The following RNF150 variants were observed in gnomAD, a reference collection of about 807,000 sequenced individuals.
The protein encoded by RNF150 is ring finger protein 150.
A neutral mutation model predicts 39.3 loss-of-function variants in RNF150; 24 were observed. That is an observed-to-expected ratio of 0.61 (90% CI 0.44 to 0.86). The LOEUF is 0.86. Ranked by LOEUF, RNF150 falls within the 40% of genes least tolerant of loss-of-function variation. The pLI, the probability that RNF150 is intolerant of heterozygous loss-of-function variation, is 0.00. For synonymous variants in RNF150, 255 were observed against 227.3 expected (o/e 1.12, Z -1.10); for missense variants, 502 against 587.8 (o/e 0.85, Z 1.51).
rs962678241 is a variant in RNF150, at chr4:140,952,521, C to T, written c.736-3149G>A. Among the ~76,000 whole-genome samples the T allele has an allele frequency of 7.9e-5, 12 of 152,228 alleles. No individual in the cohort carries two copies. In the East Asian group the frequency reaches 1.2e-3, roughly 15 times the overall value. ...AAAATAGATGGCTTTTGAAAACATC[C>T]GCTCAGTCTCTTCTAGAGAAAAAAC... On this transcript the variant is annotated intron_variant, in intron 2 of 6. Transcript: ENST00000515673.
chr4:141,110,504 CA>C (rs1739352201), intron 1 of RNF150, among the ~76,000 whole-genome samples: 2 of 151,876 alleles, frequency 1.3e-5, no homozygotes, highest in Admixed American at 1.3e-4. Flanking sequence ...TGGTTCACTG[CA>C]GCCTAAAGCT....
intron 1 of RNF150, among the ~76,000 whole-genome samples, chr4:141,081,987 T>C (rs1560728406): frequency 1.3e-5 from 2 of 152,356 alleles, no homozygotes; most frequent in East Asian, 1.9e-4. Flanking sequence ...TGTTTCACTG[T>C]CAAAGTATAA....
At chr4:141,097,009 G>C (rs2111024958) in intron 1 of RNF150, among the ~76,000 whole-genome samples, 1 of 152,284 alleles carries the variant, frequency 6.6e-6, no homozygotes, top group South Asian at 2.1e-4. Flanking sequence ...AAATCTTTCA[G>C]GTTTCATTTA....
intron 6 of RNF150, among the ~76,000 whole-genome samples, chr4:140,892,203 A>G (rs551835200): frequency 6.6e-6 from 1 of 152,312 alleles, no homozygotes; most frequent in Non-Finnish European, 1.5e-5. Context: ...ATGGAGGGAC[A>G]CCTATATAGC....
At chr4:141,083,538 G>A (rs1223061494) in intron 1 of RNF150, among the ~76,000 whole-genome samples, 1 of 152,172 alleles carries the variant, frequency 6.6e-6, no homozygotes, top group African/African-American at 2.4e-5. Flanking sequence ...CACAGGAGGT[G>A]TTGAACCAAA....
chr4:140,992,276 A>G (rs1338766487), intron 1 of RNF150, among the ~76,000 whole-genome samples: 1 of 152,108 alleles, frequency 6.6e-6, no homozygotes, highest in African/African-American at 2.4e-5. Context: ...AGGCTGAGGT[A>G]GGAGGATCAC....
At chr4:141,134,223 A>G (rs953942656), upstream of RNF150, among the ~76,000 whole-genome samples, 1 of 152,142 alleles carries the variant, frequency 6.6e-6, no homozygotes, top group Non-Finnish European at 1.5e-5. Flanking sequence ...GCGCTCTCCA[A>G]CTGTGCATAG....
intron 1 of RNF150, among the ~76,000 whole-genome samples, chr4:141,008,739 G>A (rs1482335456): frequency 1.3e-5 from 2 of 152,064 alleles, no homozygotes; most frequent in Non-Finnish European, 2.9e-5. Context: ...TGGATTCTTT[G>A]CCATGTTGTT....
chr4:140,869,864 A>G (rs1728860848), intron 6 of RNF150, among the ~76,000 whole-genome samples: 1 of 151,920 alleles, frequency 6.6e-6, no homozygotes, highest in Non-Finnish European at 1.5e-5. Context: ...TGGACAGAGG[A>G]GGCCAGAGAG....
chr4:140,915,214 T>C (rs1418155768), intron 5 of RNF150, among the ~76,000 whole-genome samples: 1 of 152,234 alleles, frequency 6.6e-6, no homozygotes, highest in Non-Finnish European at 1.5e-5. Context: ...AAAAGCTCTT[T>C]TCAATTTTCT....
chr4:141,125,199 A>G (rs1726717788), intron 1 of RNF150, among the ~76,000 whole-genome samples: 1 of 152,242 alleles, frequency 6.6e-6, no homozygotes, highest in Non-Finnish European at 1.5e-5. Context: ...CCTACCATAC[A>G]TTAAACAGCC....
At chr4:141,154,458 G>A (rs1184396681) in intron 1 of RNF150, among the ~76,000 whole-genome samples, 1 of 152,204 alleles carries the variant, frequency 6.6e-6, no homozygotes, top group Admixed American at 6.5e-5. Flanking sequence ...AATTTGTTGG[G>A]TAATGACTCT....
intron 5 of RNF150, among the ~76,000 whole-genome samples, chr4:140,920,023 T>C (rs570243101): frequency 1.3e-5 from 2 of 152,224 alleles, no homozygotes; most frequent in South Asian, 2.1e-4. Flanking sequence ...TTACGTCGTA[T>C]ACAAAAATTA....
In RNF150 at chr4:141,178,832, TGTGTTCTAGAACACATACTA is replaced by T. The variant is rs541914155; in HGVS notation, c.-6+33942_-6+33961del. Among the ~76,000 whole-genome samples the T allele has an allele frequency of 5.4e-3, 820 of 152,226 alleles. 4 individuals are homozygous for T. Among genetic ancestry groups the T allele is most frequent in the South Asian group, 0.018 (88 of 4,826 alleles). On this transcript the variant is annotated intron_variant, in intron 1 of 7. Transcript: ENST00000420921. Reference sequence around the variant, plus strand: ...GGAGGTATTCCTGCAAAGCTGAGTATGTGTTCTAGAACACATACTAGTGTTCTAGGAACACTAGAATATGT... The same window carrying T: ...GGAGGTATTCCTGCAAAGCTGAGTATGTGTTCTAGGAACACTAGAATATGT...
chr4:141,023,396 C>T (rs556435984), intron 1 of RNF150, among the ~76,000 whole-genome samples: 73 of 149,592 alleles, frequency 4.9e-4, no homozygotes, highest in African/African-American at 1.8e-3. Flanking sequence ...CAGGCGTGCA[C>T]CACCACACCT....
chr4:141,014,710 T>A (rs1165960131), intron 1 of RNF150, among the ~76,000 whole-genome samples: 1 of 152,250 alleles, frequency 6.6e-6, no homozygotes, highest in Non-Finnish European at 1.5e-5. Context: ...TTGAGTTGTT[T>A]GAATTCCTTA....
intron 6 of RNF150, among the ~76,000 whole-genome samples, chr4:140,881,810 G>A (rs1365569675): frequency 6.6e-6 from 1 of 152,058 alleles, no homozygotes; most frequent in East Asian, 1.9e-4. Flanking sequence ...GAGCCCAGGA[G>A]TTTCAGGCTG....
At chr4:141,138,926 G>T (rs1727070924) in intron 1 of RNF150, among the ~76,000 whole-genome samples, 1 of 152,184 alleles carries the variant, frequency 6.6e-6, no homozygotes, top group Non-Finnish European at 1.5e-5. Context: ...GTCAATTTAG[G>T]CTGGGTGTGG....
chr4:140,872,715 G>A (rs13435056), intron 6 of RNF150, among the ~76,000 whole-genome samples: 3,939 of 152,264 alleles, frequency 0.026, 117 homozygotes, highest in African/African-American at 0.074. Flanking sequence ...CATGTTTTTC[G>A]AGCAATACAG....
Sources: allele counts gnomAD v4.1 joint callset (sites outside exome capture counted in the v4.1 genomes callset), GRCh38; gene constraint gnomAD v4.1.1; transcripts MANE v1.5; gene names NCBI Gene and HGNC (gene_info 2026-07-23, HGNC 2026-07-21).